The following ERAP1 variants were observed in gnomAD, a reference collection of about 807,000 sequenced individuals.
ERAP1 encodes the protein adipocyte-derived leucine aminopeptidase.
ERAP1 carries 86 observed loss-of-function variants against 103.7 expected under a neutral mutation model. The observed-to-expected ratio is 0.83, with a 90% CI of 0.70 to 0.99. The LOEUF is 0.99. ERAP1 is among the 50% of genes least tolerant of loss of function. ERAP1 has a pLI of 0.00. For synonymous variants in ERAP1, 398 were observed against 402.4 expected, an observed-to-expected ratio of 0.99 and a Z score of 0.13; for missense variants, 1,009 against 1,128.4, an observed-to-expected ratio of 0.89 and a Z score of 1.52.
chr5:96,793,268 T>C lies in ERAP1; in HGVS notation c.1188+132A>G. The C allele has an allele frequency of 9.2e-6, 7 of 758,576 alleles. No homozygotes were observed. In the South Asian group the frequency reaches 9.3e-5, roughly 10 times the overall value. 47.0% of individuals were successfully genotyped at this position (758,576 alleles called of 1,614,324 possible). On this transcript the variant is annotated intron_variant, in intron 7 of 18. Transcript: ENST00000443439. ...TAGCATTTTTGCAACACGATTCATATCTAAACTGTCAAGGAAGTTATCAGT... is the reference window on the plus strand; with the variant it reads ...TAGCATTTTTGCAACACGATTCATACCTAAACTGTCAAGGAAGTTATCAGT...
the ERAP1 span, chr5:96,903,692 C>T: frequency 5.1e-6 from 4 of 781,102 alleles, no homozygotes; most frequent in Non-Finnish European, 7.8e-6. Context: ...ACAGTGATCA[C>T]TAGGCCAAAG....
intron 19 of ERAP1, chr5:96,766,032 A>C (rs200254709): frequency 1.5e-6 from 2 of 1,305,214 alleles, no homozygotes; most frequent in Non-Finnish European, 2.2e-6. Flanking sequence ...TATTAATTCT[A>C]TCTGCTCACT....
chr5:96,781,637 T>C, intron 16 of ERAP1, 56 bp downstream of exon 16: 1 of 1,606,126 alleles, frequency 6.2e-7, no homozygotes, highest in Non-Finnish European at 8.5e-7. Context: ...GCCAGAATGA[T>C]CTAATCTAAT....
At chr5:96,930,338 CAT>C in the ERAP1 span, among the ~76,000 whole-genome samples, 1 of 152,210 alleles carries the variant, frequency 6.6e-6, no homozygotes, top group Non-Finnish European at 1.5e-5. Flanking sequence ...ACCCTCGGAT[CAT>C]GTTAACACTG....
chr5:96,883,922 A>G, the ERAP1 span: 1 of 1,599,436 alleles, frequency 6.3e-7, no homozygotes, highest in East Asian at 2.3e-5. Flanking sequence ...ACTATCCAAC[A>G]TGCCAAAGGT....
At chr5:96,807,651 C>T (rs1461316590) in intron 1 of ERAP1, among the ~76,000 whole-genome samples, 1 of 151,784 alleles carries the variant, frequency 6.6e-6, no homozygotes, top group Non-Finnish European at 1.5e-5. Context: ...CTCCCCCCGC[C>T]CTTCCCGCGC....
chr5:96,931,818 CAT>C, the ERAP1 span, among the ~76,000 whole-genome samples: 1 of 152,136 alleles, frequency 6.6e-6, no homozygotes, highest in Non-Finnish European at 1.5e-5. Flanking sequence ...GGGAATTGCT[CAT>C]ATAGAGGACT....
the ERAP1 span, among the ~76,000 whole-genome samples, chr5:96,928,938 C>T: frequency 2.6e-5 from 4 of 152,190 alleles, no homozygotes; most frequent in Non-Finnish European, 5.9e-5. Flanking sequence ...TGGCATACAA[C>T]AAGTATATGG....
the ERAP1 span, among the ~76,000 whole-genome samples, chr5:96,843,142 T>C: frequency 6.6e-6 from 1 of 152,148 alleles, no homozygotes; most frequent in East Asian, 1.9e-4. Flanking sequence ...AGAGATTTAT[T>C]GAAAATGAAA....
At chr5:96,880,127 A>T in the ERAP1 span, 1 of 1,614,150 alleles carries the variant, frequency 6.2e-7, no homozygotes, top group South Asian at 1.1e-5. Flanking sequence ...TCATGAACAA[A>T]TTGCACTGCT....
the ERAP1 span, among the ~76,000 whole-genome samples, chr5:96,925,162 T>G: frequency 1.3e-5 from 2 of 152,270 alleles, no homozygotes; most frequent in African/African-American, 4.8e-5. Context: ...TTGCAAGTGA[T>G]CTACATGGTA....
At chr5:96,902,255 T>G in the ERAP1 span, 54 of 1,543,836 alleles carry the variant, frequency 3.5e-5, no homozygotes, top group Non-Finnish European at 4.4e-5. Flanking sequence ...TCTGTAACTA[T>G]CTTTACTCTC....
the ERAP1 span, among the ~76,000 whole-genome samples, chr5:96,840,264 T>C: frequency 1.3e-5 from 2 of 152,208 alleles, no homozygotes; most frequent in Non-Finnish European, 1.5e-5. Flanking sequence ...CCCAACATTA[T>C]TGGCAAGTTA....
At chr5:96,921,215 G>A in the ERAP1 span, among the ~76,000 whole-genome samples, 2 of 152,220 alleles carry the variant, frequency 1.3e-5, no homozygotes, top group Non-Finnish European at 2.9e-5. Context: ...CTCAGCCTTC[G>A]GCTTACCCCT....
At chr5:96,917,845 G>GC in the ERAP1 span, 1 of 196,642 alleles carries the variant, frequency 5.1e-6, no homozygotes, top group African/African-American at 2.5e-5. Flanking sequence ...GGTGGAGCTT[G>GC]CAGTGAGCCG....
the ERAP1 span, among the ~76,000 whole-genome samples, chr5:96,907,883 C>CA: frequency 3.9e-4 from 57 of 147,836 alleles, no homozygotes; most frequent in East Asian, 1.2e-3. Flanking sequence ...AACTCTGTCT[C>CA]AAAAAAAAAA....
the ERAP1 span, among the ~76,000 whole-genome samples, chr5:96,837,976 G>A: frequency 6.6e-6 from 1 of 151,786 alleles, no homozygotes; most frequent in Non-Finnish European, 1.5e-5. Flanking sequence ...TGTAGTCTCT[G>A]ACATCCCACT....
At chr5:96,880,431 T>C in the ERAP1 span, among the ~76,000 whole-genome samples, 2 of 152,216 alleles carry the variant, frequency 1.3e-5, no homozygotes, top group Admixed American at 6.5e-5. Flanking sequence ...AGTAGAGATG[T>C]AAAGACAGGA....
chr5:96,853,386 A>G, the ERAP1 span, among the ~76,000 whole-genome samples: 1 of 152,174 alleles, frequency 6.6e-6, no homozygotes, highest in Non-Finnish European at 1.5e-5. Context: ...GGTAAATCTA[A>G]TTCTATGATT....
Sources: allele counts gnomAD v4.1 joint callset (sites outside exome capture counted in the v4.1 genomes callset), GRCh38; gene constraint gnomAD v4.1.1; transcripts MANE v1.5; gene names NCBI Gene and HGNC (gene_info 2026-07-23, HGNC 2026-07-21).